The following GNG2 variants were observed in gnomAD, a reference collection of about 807,000 sequenced individuals.
GNG2 encodes the protein guanine nucleotide-binding protein G(I)/G(S)/G(O) subunit gamma-2.
A neutral mutation model predicts 5.5 loss-of-function variants in GNG2; 5 were observed. The ratio of observed to expected loss-of-function variants is 0.91; its 90% CI spans 0.48 to 1.92. The LOEUF (loss-of-function observed/expected upper bound fraction) is 1.92, where lower values mean the gene tolerates loss of function less well. GNG2 is among the 30% of genes most tolerant of loss of function. GNG2 has a pLI of 0.01. For missense variants in GNG2, 55 were observed against 88.4 expected, an observed-to-expected ratio of 0.62 and a Z score of 1.52; for synonymous variants, 28 against 32.0, an observed-to-expected ratio of 0.88 and a Z score of 0.42.
intron 2 of GNG2, among the ~76,000 whole-genome samples, chr14:51,949,155 C>T (rs1053097903): frequency 1.3e-5 from 2 of 150,482 alleles, no homozygotes; most frequent in Non-Finnish European, 3.0e-5. Flanking sequence ...ATTGAGGGAA[C>T]AATTAATTAT....
intron 3 of GNG2, among the ~76,000 whole-genome samples, chr14:51,962,101 C>G (rs1889646940): frequency 6.6e-6 from 1 of 152,164 alleles, no homozygotes. Context: ...TCTGTCTGCT[C>G]AAGCCTATGG....
chr14:51,929,486 G>A (rs1262155), intron 2 of GNG2, among the ~76,000 whole-genome samples: 10,104 of 152,210 alleles, frequency 0.066, 990 homozygotes, highest in African/African-American at 0.21. Flanking sequence ...CCCTCTAGCA[G>A]CTCCAGCAGG....
At position 51,845,018 on chromosome 14, in the gene GNG2, C is replaced by G. The variant is rs1005022613; in HGVS notation, c.64+17211C>G. 7.2e-5 allele frequency among the ~76,000 whole-genome samples: 11 copies of G among 151,812 alleles called. No individual in the cohort carries two copies. In the East Asian group the frequency reaches 2.1e-3, roughly 30 times the overall value. On this transcript the variant is annotated intron_variant, in intron 2 of 3. Coordinates refer to the GNG2 transcript ENST00000553432. Reference sequence around the variant, plus strand: ...GGGATTACAGGCGTTAGCCACCATGCCCAGCCCTCCTGCCACAATTTTTAT... The same window carrying G: ...GGGATTACAGGCGTTAGCCACCATGGCCAGCCCTCCTGCCACAATTTTTAT...
At chr14:51,915,026 A>C (rs1243818484) in intron 2 of GNG2, among the ~76,000 whole-genome samples, 1 of 152,224 alleles carries the variant, frequency 6.6e-6, no homozygotes, top group Non-Finnish European at 1.5e-5. Flanking sequence ...ATTTCTTTCT[A>C]CTTAGGCATT....
Position 51,827,087 on chromosome 14 carries a change from C to T in GNG2, c.-76-581C>T, listed in dbSNP as rs560762849. ...AAGGGAGGCTAGACGGTGACAGCAG[C>T]AGTTCCCAAACTTACCTGTATGTAG... On this transcript the variant is annotated intron_variant, in intron 1 of 3. Coordinates refer to the GNG2 transcript ENST00000553432. Among the ~76,000 whole-genome samples the T allele has an allele frequency of 7.9e-5, 12 of 152,324 alleles. No individual in the cohort carries two copies. The East Asian group carries it at 2.1e-3, about 27-fold the overall frequency.
At position 51,887,259 on chromosome 14, in the gene GNG2, T is replaced by A. The variant is rs569946786; in HGVS notation, c.-30+9602T>A. 3.7e-4 allele frequency among the ~76,000 whole-genome samples: 56 copies of A among 152,316 alleles called. No individual in the cohort carries two copies. In the Middle Eastern group the frequency reaches 0.01, roughly 28 times the overall value. ...CTGGACCCCTCAGAGCAGCTTTAGA[T>A]AGCCACCTTCTTGGGCCTCCCGACA... On this transcript the variant is annotated intron_variant, in intron 2 of 3. Coordinates refer to ENST00000556766, the MANE Select transcript of GNG2 (RefSeq NM_053064.5).
chr14:51,917,197 A>G (rs1886698363), intron 2 of GNG2: 2 of 367,030 alleles, frequency 5.4e-6, no homozygotes, highest in South Asian at 4.1e-5. Flanking sequence ...CATTTCTGAA[A>G]TTTCTTCCAT....
chr14:51,943,775 A>T (rs1005778874), intron 2 of GNG2, among the ~76,000 whole-genome samples: 17 of 149,908 alleles, frequency 1.1e-4, no homozygotes, highest in African/African-American at 1.7e-4. Context: ...AAAAATTTTT[A>T]AAAAATTACT....
intron 2 of GNG2, among the ~76,000 whole-genome samples, chr14:51,930,639 C>T (rs1887602389): frequency 6.6e-6 from 1 of 152,176 alleles, no homozygotes; most frequent in Non-Finnish European, 1.5e-5. Context: ...TTAAATGTAT[C>T]ACTTGTGTTG....
intron 2 of GNG2, among the ~76,000 whole-genome samples, chr14:51,841,794 C>T (rs1224061879): frequency 3.3e-5 from 5 of 152,094 alleles, no homozygotes; most frequent in African/African-American, 7.2e-5. Context: ...TGGGGCCATA[C>T]GATGACAACT....
intron 1 of GNG2, among the ~76,000 whole-genome samples, chr14:51,871,516 A>C (rs1002579737): frequency 1.3e-5 from 2 of 152,232 alleles, no homozygotes; most frequent in African/African-American, 4.8e-5. Context: ...TTCTTCATCT[A>C]TAATGGGAAA....
At chr14:51,826,736 G>T (rs1384314936) in intron 1 of GNG2, among the ~76,000 whole-genome samples, 2 of 152,162 alleles carry the variant, frequency 1.3e-5, no homozygotes, top group Admixed American at 1.3e-4. Flanking sequence ...TGGGACCAAC[G>T]TTACTTGCTG....
intron 2 of GNG2, among the ~76,000 whole-genome samples, chr14:51,925,464 A>G (rs1887253491): frequency 6.6e-6 from 1 of 152,204 alleles, no homozygotes; most frequent in Non-Finnish European, 1.5e-5. Flanking sequence ...TTCCCAACCC[A>G]TGGTATAGCC....
chr14:51,892,229 T>G (rs975932708), intron 2 of GNG2, among the ~76,000 whole-genome samples: 2 of 152,192 alleles, frequency 1.3e-5, no homozygotes, highest in Non-Finnish European at 2.9e-5. Context: ...TTTGATAAAG[T>G]GGGCCATTAC....
At position 51,863,947 on chromosome 14, in the gene GNG2, G is replaced by T. The variant is rs575001687; in HGVS notation, c.-71+3157G>T. On this transcript the variant is annotated intron_variant, in intron 1 of 3. Transcript: ENST00000556766. ...TGATGGACACTCGGGCCATGTTTTG[G>T]CTATTGTAAATAATACTGCTATGAA... 3.3e-5 allele frequency among the ~76,000 whole-genome samples: 5 copies of T among 152,194 alleles called. No homozygotes were observed. The East Asian group carries it at 7.7e-4, about 24-fold the overall frequency.
intron 2 of GNG2, among the ~76,000 whole-genome samples, chr14:51,942,231 G>T (rs1197471039): frequency 6.6e-6 from 1 of 152,200 alleles, no homozygotes; most frequent in Non-Finnish European, 1.5e-5. Flanking sequence ...GTTTGCACAT[G>T]GAGTGCTTTC....
At chr14:51,906,977 G>A (rs1405062023) in intron 2 of GNG2, among the ~76,000 whole-genome samples, 3 of 151,944 alleles carry the variant, frequency 2.0e-5, no homozygotes, top group Non-Finnish European at 2.9e-5. Flanking sequence ...GGATGGTCTC[G>A]ATCTCCTGAC....
At chr14:51,855,288 TG>T (rs1349620489) in intron 2 of GNG2, among the ~76,000 whole-genome samples, 4 of 152,198 alleles carry the variant, frequency 2.6e-5, no homozygotes, top group Non-Finnish European at 5.9e-5. Flanking sequence ...GCTTTCGTGC[TG>T]GGCCGTGAGA....
At chr14:51,856,729 C>G (rs1224750468), upstream of GNG2, among the ~76,000 whole-genome samples, 1 of 152,204 alleles carries the variant, frequency 6.6e-6, no homozygotes, top group African/African-American at 2.4e-5. Flanking sequence ...CTGAGCCCAG[C>G]CTTAATATTT....
Sources: gnomAD v4.1 joint callset for allele counts (sites outside exome capture counted in the v4.1 genomes callset) on GRCh38, gnomAD v4.1.1 for gene constraint, MANE v1.5 for transcripts, NCBI Gene and HGNC (gene_info 2026-07-23, HGNC 2026-07-21) for gene names.